Variants in KIAA1217 observed in about 807,000 individuals in gnomAD.
KIAA1217 encodes the protein sickle tail protein homolog.
In KIAA1217, 88 loss-of-function variants were observed where a neutral mutation model predicts 163.9. That is an observed-to-expected ratio of 0.54 (90% CI 0.45 to 0.64). KIAA1217 has a LOEUF of 0.64. KIAA1217 is among the 30% of genes least tolerant of loss of function. KIAA1217 has a pLI of 0.00. For missense variants in KIAA1217, 2,372 were observed against 2,475.0 expected, an observed-to-expected ratio of 0.96 and a Z score of 0.88; for synonymous variants, 903 against 923.1, an observed-to-expected ratio of 0.98 and a Z score of 0.39.
At chr10:24,053,254 C>G (rs974742366) in intron 2 of KIAA1217, among the ~76,000 whole-genome samples, 1 of 152,058 alleles carries the variant, frequency 6.6e-6, no homozygotes, top group African/African-American at 2.4e-5. Flanking sequence ...AAATATATCT[C>G]TCAGGAACAC....
chr10:24,252,213 A>C (rs2074634016), intron 2 of KIAA1217, among the ~76,000 whole-genome samples: 1 of 152,192 alleles, frequency 6.6e-6, no homozygotes, highest in South Asian at 2.1e-4. Flanking sequence ...ACCAACCCAC[A>C]AAAAGGCCTC....
intron 16 of KIAA1217, among the ~76,000 whole-genome samples, chr10:24,535,584 G>A (rs2073881211): frequency 6.6e-6 from 1 of 152,154 alleles, no homozygotes; most frequent in Non-Finnish European, 1.5e-5. Flanking sequence ...AGACCAGCCT[G>A]GCCAACATGG....
intron 2 of KIAA1217, among the ~76,000 whole-genome samples, chr10:24,028,265 A>G (rs1041587177): frequency 1.2e-4 from 18 of 152,096 alleles, no homozygotes; most frequent in African/African-American, 4.3e-4. Context: ...CATGAGGAAA[A>G]AATGAACACT....
At chr10:23,724,031 G>A (rs147258093) in intron 1 of KIAA1217, among the ~76,000 whole-genome samples, 136 of 152,194 alleles carry the variant, frequency 8.9e-4, no homozygotes, top group African/African-American at 2.9e-3. Flanking sequence ...GAAAGCAAGC[G>A]GGGAGATGCT....
chr10:24,126,602 G>T (rs1392998885), intron 2 of KIAA1217, among the ~76,000 whole-genome samples: 1 of 152,040 alleles, frequency 6.6e-6, no homozygotes, highest in African/African-American at 2.4e-5. Context: ...AGCCAGATTG[G>T]ATATAGCTAG....
At chr10:24,215,320 G>C (rs950105573) in intron 1 of KIAA1217, among the ~76,000 whole-genome samples, 9 of 152,194 alleles carry the variant, frequency 5.9e-5, no homozygotes, top group Non-Finnish European at 1.3e-4. Flanking sequence ...AAACAGGACT[G>C]CCTTTCAGCA....
chr10:24,110,618 C>T (rs1225414293), intron 2 of KIAA1217, among the ~76,000 whole-genome samples: 1 of 144,058 alleles, frequency 6.9e-6, no homozygotes, highest in Non-Finnish European at 1.5e-5. Context: ...AAAAAAAAAA[C>T]TCAAAATGTA....
At chr10:23,739,865 G>C (rs1326797336) in intron 1 of KIAA1217, among the ~76,000 whole-genome samples, 1 of 152,148 alleles carries the variant, frequency 6.6e-6, no homozygotes, top group Non-Finnish European at 1.5e-5. Flanking sequence ...TTCAGCTCTA[G>C]ATATATTCTG....
chr10:24,278,260 A>T (rs779989314), intron 2 of KIAA1217, among the ~76,000 whole-genome samples: 3 of 152,186 alleles, frequency 2.0e-5, no homozygotes, highest in Non-Finnish European at 4.4e-5. Flanking sequence ...TAGAAGATGG[A>T]TGAGAGTTAC....
intron 1 of KIAA1217, among the ~76,000 whole-genome samples, chr10:23,806,671 A>C (rs1325580247): frequency 6.6e-6 from 1 of 152,138 alleles, no homozygotes; most frequent in Non-Finnish European, 1.5e-5. Flanking sequence ...GCCTAGTTGA[A>C]TCTTCTTAGG....
At chr10:24,323,089 A>T (rs917659856) in intron 2 of KIAA1217, among the ~76,000 whole-genome samples, 2 of 151,278 alleles carry the variant, frequency 1.3e-5, no homozygotes, top group African/African-American at 4.8e-5. Context: ...AGCTGGGACT[A>T]TAGGCATGAA....
intron 7 of KIAA1217, 85 bp from the exon 8 acceptor site, chr10:24,495,062 C>G: frequency 8.8e-7 from 1 of 1,140,984 alleles, no homozygotes; most frequent in Non-Finnish European, 1.3e-6. Context: ...CCAATTGCTT[C>G]AAATAGTGGA....
chr10:23,879,666 T>A, intron 1 of KIAA1217, among the ~76,000 whole-genome samples: 1 of 151,924 alleles, frequency 6.6e-6, no homozygotes, highest in East Asian at 1.9e-4. Flanking sequence ...CCAGTCCTTC[T>A]AAGACCATTC....
At chr10:24,299,457 G>C (rs1301996059) in intron 2 of KIAA1217, among the ~76,000 whole-genome samples, 2 of 152,068 alleles carry the variant, frequency 1.3e-5, no homozygotes, top group Admixed American at 6.6e-5. Flanking sequence ...TGTTGCCCAG[G>C]CTCTGATCGT....
intron 1 of KIAA1217, among the ~76,000 whole-genome samples, chr10:23,708,526 C>T (rs1837032229): frequency 6.6e-6 from 1 of 152,092 alleles, no homozygotes; most frequent in Non-Finnish European, 1.5e-5. Flanking sequence ...TTCCTCTGAC[C>T]CTCACTCTTC....
intron 1 of KIAA1217, among the ~76,000 whole-genome samples, chr10:23,858,780 C>T (rs1839822991): frequency 6.6e-6 from 1 of 152,088 alleles, no homozygotes; most frequent in Non-Finnish European, 1.5e-5. Flanking sequence ...GGGCGTGGTG[C>T]CCTTTCAAGT....
chr10:23,959,531 G>A lies in KIAA1217; in HGVS notation c.-320-47694G>A, dbSNP rs565240921. 3.9e-5 allele frequency among the ~76,000 whole-genome samples: 6 copies of A among 152,184 alleles called. No individual in the cohort carries two copies. In the South Asian group the frequency reaches 1.0e-3, roughly 26 times the overall value. On this transcript the variant is annotated intron_variant, in intron 1 of 18. Coordinates refer to the KIAA1217 transcript ENST00000376462. The stretch of plus-strand genomic sequence containing the variant: ...CTTGTCTCTTAAAAAATAAATGAAT[G>A]CATAGATTTCTAAATGACAGATAAG...
chr10:23,718,789 T>C (rs1219724830), intron 1 of KIAA1217, among the ~76,000 whole-genome samples: 2 of 150,504 alleles, frequency 1.3e-5, no homozygotes, highest in African/African-American at 2.5e-5. Flanking sequence ...TTTTGGAACA[T>C]CTACAGAAGT....
chr10:23,789,553 T>C (rs1279987630), intron 1 of KIAA1217, among the ~76,000 whole-genome samples: 2 of 152,076 alleles, frequency 1.3e-5, no homozygotes, highest in Non-Finnish European at 2.9e-5. Context: ...AGGGTATTAA[T>C]GAGGATTAAG....
Sources: gnomAD v4.1 joint callset for allele counts (sites outside exome capture counted in the v4.1 genomes callset) on GRCh38, gnomAD v4.1.1 for gene constraint, MANE v1.5 for transcripts, NCBI Gene and HGNC (gene_info 2026-07-23, HGNC 2026-07-21) for gene names.